TXNDC15: variants seen among roughly 807,000 people sequenced by gnomAD.
The protein encoded by TXNDC15 is thioredoxin domain-containing protein 15.
TXNDC15 carries 24 observed loss-of-function variants against 35.0 expected under a neutral mutation model. The observed-to-expected ratio is 0.68, with a 90% confidence interval of 0.50 to 0.96. The LOEUF is 0.96. Ranked by LOEUF, TXNDC15 falls within the 40% of genes least tolerant of loss-of-function variation. The pLI is 0.00. For synonymous variants in TXNDC15, 169 were observed against 174.0 expected (o/e 0.97, Z 0.23); for missense variants, 385 against 453.3 (o/e 0.85, Z 1.37).
chr5:134,885,664 C>T (rs1465885837), intron 1 of TXNDC15, among the ~76,000 whole-genome samples: 4 of 152,218 alleles, frequency 2.6e-5, no homozygotes, highest in African/African-American at 9.6e-5. Context: ...GCTCCATCTC[C>T]TCAACTGGGA....
At chr5:134,878,825 C>T (rs758546208) in intron 1 of TXNDC15, among the ~76,000 whole-genome samples, 1 of 152,146 alleles carries the variant, frequency 6.6e-6, no homozygotes, top group Non-Finnish European at 1.5e-5. Flanking sequence ...ATGGTGAAAC[C>T]CCATCTCTAC....
chr5:134,879,424 G>A (rs1169126778), intron 1 of TXNDC15, among the ~76,000 whole-genome samples: 1 of 152,128 alleles, frequency 6.6e-6, no homozygotes, highest in African/African-American at 2.4e-5. Context: ...GAAGAACTGT[G>A]GTGTTTGGGA....
rs2150187533 is a variant in TXNDC15 at position 134,887,846 on chromosome 5, C to T, written c.255C>T (p.Asp85=). Residue 85 remains aspartate, a synonymous_variant, in exon 2 of 5, where the codon GAC becomes GAT. Coordinates refer to ENST00000358387, the MANE Select transcript of TXNDC15 (RefSeq NM_024715.4). ...AGGCCAATGCGGTGCTGGGGCTGGA[C>T]ACCCAAGGCGATCACATGGTGATGC... is the stretch of plus-strand genomic sequence containing the variant. ...AEEANAVLGL[D]TQGDHMVMLS... is the part of the protein sequence containing the mutation. The T allele has an allele frequency of 6.2e-7, 1 of 1,614,188 alleles. No individual in the cohort carries two copies. The highest frequency in any genetic ancestry group is 1.3e-5 in the African/African-American group (1 of 75,052).
rs188950308 is a variant in TXNDC15, at chr5:134,898,714, G to T, written c.887-775G>T. Among the ~76,000 whole-genome samples, 3 of 152,298 alleles carry T rather than the reference G, an allele frequency of 2.0e-5. No homozygotes were observed. In the East Asian group the frequency reaches 5.8e-4, roughly 29 times the overall value. On this transcript the variant is annotated intron_variant, in intron 4 of 4. Transcript: ENST00000358387. ...CTAGAACACAAATCTGGGAGTCAGA[G>T]CATCTTTGGTAATCCCTGTTTCCGT...
In TXNDC15 at chr5:134,899,703, T is replaced by C. The variant is rs1180141760; in HGVS notation, c.*18T>C. 4 of 1,548,540 alleles carry C rather than the reference T, an allele frequency of 2.6e-6. No individual in the cohort carries two copies. The highest frequency in any genetic ancestry group is 1.4e-5 in the African/African-American group (1 of 71,686). ...TGGAGTAGTGATGGTCTGAAAGAAG[T>C]TGGAAAGAGGAACTTCAATCCTTCG... is the stretch of plus-strand genomic sequence containing the variant. On this transcript the variant is annotated 3_prime_UTR_variant, in exon 5 of 5. Coordinates refer to ENST00000358387, the MANE Select transcript of TXNDC15 (RefSeq NM_024715.4).
chr5:134,887,577 G>A, intron 1 of TXNDC15, 118 bp from the exon 2 acceptor site: 2 of 1,290,462 alleles, frequency 1.5e-6, no homozygotes, highest in Non-Finnish European at 1.1e-6. Flanking sequence ...ATAGTTTAAT[G>A]AAAGGAGACC....
At chr5:134,891,804 T>C (rs1001678430) in intron 2 of TXNDC15, among the ~76,000 whole-genome samples, 16 of 152,070 alleles carry the variant, frequency 1.1e-4, no homozygotes, top group African/African-American at 3.9e-4. Flanking sequence ...GGGCACCAGC[T>C]ACTTGGGAGG....
At position 134,893,500 on chromosome 5, in the gene TXNDC15, G is replaced by A; in HGVS notation, c.600G>A (p.Met200Ile). 6.2e-7 allele frequency: 1 copy of A among 1,614,138 alleles called. No homozygotes were observed. The highest frequency in any genetic ancestry group is 8.5e-7 in the Non-Finnish European group (1 of 1,180,018). The part of the protein sequence containing the change: ...LKILNMSQDL[M>I]DFLNPNGSDC... ...TGTTTCTTTTACCACAGGACCTTATGGATTTTCTGAACCCAAACGGTAGTG... is the reference window on the plus strand; with the variant it reads ...TGTTTCTTTTACCACAGGACCTTATAGATTTTCTGAACCCAAACGGTAGTG... Residue 200 changes from methionine to isoleucine, a missense_variant, in exon 3 of 5, where the codon ATG becomes ATA. Transcript: ENST00000358387.
intron 3 of TXNDC15, among the ~76,000 whole-genome samples, chr5:134,895,005 C>G (rs948144472): frequency 6.6e-6 from 1 of 151,840 alleles, no homozygotes; most frequent in African/African-American, 2.4e-5. Flanking sequence ...AGAACTCCAT[C>G]TCTATAAAAA....
intron 1 of TXNDC15, among the ~76,000 whole-genome samples, chr5:134,883,426 C>CA (rs1194070553): frequency 9.3e-5 from 14 of 149,848 alleles, no homozygotes; most frequent in East Asian, 5.9e-4. Flanking sequence ...GACTCTGTCT[C>CA]AAAAAAAACC....
At chr5:134,894,369 CTTTT>C (rs556643965) in intron 3 of TXNDC15, among the ~76,000 whole-genome samples, 1 of 131,400 alleles carries the variant, frequency 7.6e-6, no homozygotes, top group South Asian at 2.5e-4. Context: ...TTTTTTTTTT[CTTTT>C]TTTTTTTTTT....
Position 134,900,589 on chromosome 5 carries a change from T to C in TXNDC15, c.*904T>C, listed in dbSNP as rs1165694522. On this transcript the variant is annotated 3_prime_UTR_variant, in exon 5 of 5. Coordinates refer to ENST00000358387, the MANE Select transcript of TXNDC15 (RefSeq NM_024715.4). ...ACTTGGGAAAGCTGAGGCATGAGAA[T>C]CACTTGAACCCGGGAGGCAGAGGTT... The C allele has an allele frequency of 2.6e-5, 4 of 152,026 alleles. No homozygotes were observed. Among genetic ancestry groups the C allele is most frequent in the African/African-American group, 9.7e-5 (4 of 41,384 alleles). The allele number at this position is 152,026 out of a possible 1,614,324, so 9.4% of individuals were successfully genotyped here. A position where few individuals can be genotyped will look rare whatever the true frequency, so the allele number is the denominator to read the frequency against.
chr5:134,880,332 C>G (rs1288022285), intron 1 of TXNDC15, among the ~76,000 whole-genome samples: 1 of 152,078 alleles, frequency 6.6e-6, no homozygotes, highest in Non-Finnish European at 1.5e-5. Flanking sequence ...CATTTTTCTT[C>G]TGCCTGAAGG....
At chr5:134,881,094 T>C (rs1467007650) in intron 1 of TXNDC15, among the ~76,000 whole-genome samples, 2 of 151,652 alleles carry the variant, frequency 1.3e-5, no homozygotes, top group African/African-American at 2.4e-5. Flanking sequence ...CTTGAAATTG[T>C]CCTACGGCCC....
At chr5:134,881,203 T>TTTATTTA (rs1561897025) in intron 1 of TXNDC15, among the ~76,000 whole-genome samples, 12 of 28,890 alleles carry the variant, frequency 4.2e-4, no homozygotes, top group South Asian at 3.7e-3. Context: ...TTATTTATTT[T>TTTATTTA]TTTATTGATC....
At chr5:134,875,137 A>T (rs758033703) in intron 1 of TXNDC15, 1 of 456,286 alleles carries the variant, frequency 2.2e-6, no homozygotes, top group East Asian at 6.9e-5. Context: ...AGCTCCCTGC[A>T]TGAAAAACAG....
At chr5:134,874,302 A>T, upstream of TXNDC15, 1 of 736,234 alleles carries the variant, frequency 1.4e-6, no homozygotes, top group South Asian at 2.0e-5. Flanking sequence ...CGCCCGCCAC[A>T]GCTGCCAGGT....
intron 1 of TXNDC15, among the ~76,000 whole-genome samples, chr5:134,883,587 CAAAA>C (rs60114636): frequency 9.2e-5 from 6 of 65,360 alleles, no homozygotes; most frequent in African/African-American, 3.0e-4. Flanking sequence ...GACCCTGTCT[CAAAA>C]AAAAAAAAAA....
chr5:134,899,416 T>C, intron 4 of TXNDC15, 73 bp from the exon 5 acceptor site: 5 of 1,320,956 alleles, frequency 3.8e-6, no homozygotes, highest in Non-Finnish European at 5.4e-6. Context: ...TTGCATACCA[T>C]ACATAATACT....
Sources: gnomAD v4.1 joint callset for allele counts (sites outside exome capture counted in the v4.1 genomes callset) on GRCh38, gnomAD v4.1.1 for gene constraint, MANE v1.5 for transcripts, NCBI Gene and HGNC (gene_info 2026-07-23, HGNC 2026-07-21) for gene names.